LIPA: variants seen among roughly 807,000 people sequenced by gnomAD.
LIPA encodes lysosomal acid lipase/cholesteryl ester hydrolase.
Under a neutral mutation model 40.6 loss-of-function variants are expected in LIPA, and 26 were observed. The ratio of observed to expected loss-of-function variants is 0.64; its 90% CI spans 0.47 to 0.89. The LOEUF is 0.89. Among genes scored for constraint, LIPA ranks in the 40% least tolerant of loss-of-function variants. The pLI, the probability that LIPA is intolerant of heterozygous loss-of-function variation, is 0.00. For missense variants in LIPA, 455 were observed against 479.6 expected (o/e 0.95, Z 0.48); for synonymous variants, 188 against 168.4 (o/e 1.12, Z -0.90).
intron 1 of LIPA, among the ~76,000 whole-genome samples, chr10:89,271,245 A>G (rs1343434216): frequency 1.3e-5 from 2 of 152,240 alleles, no homozygotes; most frequent in Non-Finnish European, 1.5e-5. Flanking sequence ...AAAATGGCCA[A>G]TGCAGTACTC....
chr10:89,272,723 AG>A (rs1334623820), intron 1 of LIPA, among the ~76,000 whole-genome samples: 24 of 152,190 alleles, frequency 1.6e-4, no homozygotes, highest in Admixed American at 6.5e-4. Context: ...ACAGTGTAAA[AG>A]TGTTCCTTTC....
At chr10:89,383,992 C>T (rs751014638) in intron 2 of LIPA, 20 of 1,614,068 alleles carry the variant, frequency 1.2e-5, no homozygotes, top group Non-Finnish European at 1.6e-5. Context: ...TGCCCTGAAG[C>T]TTCAGGATGA....
At chr10:89,358,475 C>G (rs1844001427) in intron 2 of LIPA, among the ~76,000 whole-genome samples, 1 of 152,144 alleles carries the variant, frequency 6.6e-6, no homozygotes, top group South Asian at 2.1e-4. Context: ...TATCTGTATT[C>G]TCATGTTCAT....
chr10:89,278,265 A>G (rs954484495), intron 1 of LIPA: 1 of 152,242 alleles, frequency 6.6e-6, no homozygotes, highest in African/African-American at 2.4e-5. Context: ...TCACAAGACC[A>G]GTGATCTCCA....
intron 2 of LIPA, among the ~76,000 whole-genome samples, chr10:89,356,572 C>T (rs1440886407): frequency 6.6e-6 from 1 of 152,144 alleles, no homozygotes; most frequent in African/African-American, 2.4e-5. Context: ...CTAGGTTGCG[C>T]ATTCCTTATG....
exon 2 of LIPA, chr10:89,412,805 T>G (rs1041465036): frequency 2.4e-6 from 1 of 412,676 alleles, no homozygotes; most frequent in Non-Finnish European, 4.8e-6. Context: ...AGGAAGAAAC[T>G]CCAGACACAT....
chr10:89,346,981 C>T (rs1035636423), upstream of LIPA, among the ~76,000 whole-genome samples: 1 of 152,186 alleles, frequency 6.6e-6, no homozygotes, highest in African/African-American at 2.4e-5. Flanking sequence ...ATTCTAATAG[C>T]CTGCTGCATT....
At chr10:89,400,917 G>A (rs1844412029) in intron 2 of LIPA, among the ~76,000 whole-genome samples, 1 of 151,272 alleles carries the variant, frequency 6.6e-6, no homozygotes, top group Non-Finnish European at 1.5e-5. Context: ...GGCTTTAATT[G>A]TGCTGAGATA....
intron 8 of LIPA, 73 bp from the exon 9 acceptor site, chr10:89,216,082 T>C: frequency 2.0e-6 from 2 of 977,188 alleles, no homozygotes; most frequent in Non-Finnish European, 3.3e-6. Context: ...TTGCTGGAGC[T>C]AGCCACAACC....
At chr10:89,216,410 CAT>C (rs10646193) in intron 8 of LIPA, among the ~76,000 whole-genome samples, 12 of 145,224 alleles carry the variant, frequency 8.3e-5, no homozygotes, top group East Asian at 6.0e-4. Context: ...TATATATATA[CAT>C]ATATATATAT....
At chr10:89,341,124 C>T (rs531115116) in intron 1 of LIPA, among the ~76,000 whole-genome samples, 4 of 152,208 alleles carry the variant, frequency 2.6e-5, no homozygotes, top group African/African-American at 9.6e-5. Flanking sequence ...ACACCCTCCC[C>T]CTGAAGGCAG....
chr10:89,225,325 G>T, intron 5 of LIPA, 97 bp from the exon 6 acceptor site: 1 of 1,451,122 alleles, frequency 6.9e-7, no homozygotes, highest in Non-Finnish European at 9.6e-7. Flanking sequence ...TCTCGCGGAG[G>T]CCTGAGACCC....
rs376284950 is a variant in LIPA at position 89,222,595 on chromosome 10, T to C, written c.823-13A>G. 79 of 1,486,460 alleles carry C rather than the reference T, an allele frequency of 5.3e-5. No homozygotes were observed. The highest frequency in any genetic ancestry group is 7.0e-5 in the Non-Finnish European group (74 of 1,063,706). 92.1% of individuals were successfully genotyped at this position (1,486,460 alleles called of 1,614,324 possible). A position where few individuals can be genotyped will look rare whatever the true frequency, so the allele number is the denominator to read the frequency against. On this transcript the variant is annotated splice_polypyrimidine_tract_variant and intron_variant, in intron 7 of 9. Transcript: ENST00000336233. ...CATCCACTCTAGACTGCAAAATAAA[T>C]ACATTGAAATGAAGAATGAAAACAG... is the stretch of plus-strand genomic sequence containing the variant.
chr10:89,373,911 T>C (rs1424211692), intron 2 of LIPA, among the ~76,000 whole-genome samples: 3 of 152,306 alleles, frequency 2.0e-5, no homozygotes, highest in South Asian at 2.1e-4. Flanking sequence ...AAAAATCTAG[T>C]CTAGTGGTTT....
chr10:89,240,025 C>G (rs17117789), intron 3 of LIPA, among the ~76,000 whole-genome samples: 8,786 of 152,200 alleles, frequency 0.058, 303 homozygotes, highest in South Asian at 0.14. Context: ...GGGAAATTAT[C>G]CAGCTCTCAT....
At chr10:89,333,602 A>G (rs2133548313) in intron 1 of LIPA, among the ~76,000 whole-genome samples, 1 of 152,366 alleles carries the variant, frequency 6.6e-6, no homozygotes, top group South Asian at 2.1e-4. Context: ...TGGGAGGCTG[A>G]GGCAAGAGGA....
At chr10:89,392,135 C>A (rs1844260403) in intron 2 of LIPA, among the ~76,000 whole-genome samples, 1 of 152,192 alleles carries the variant, frequency 6.6e-6, no homozygotes, top group Non-Finnish European at 1.5e-5. Flanking sequence ...TTCCGTCAAG[C>A]TGAAACCAAA....
At chr10:89,306,019 C>G in intron 1 of LIPA, 1 of 1,614,002 alleles carries the variant, frequency 6.2e-7, no homozygotes, top group Non-Finnish European at 8.5e-7. Flanking sequence ...GCCATTTCAC[C>G]TGGAACTTGA....
At chr10:89,322,522 G>A (rs1843577387) in intron 1 of LIPA, among the ~76,000 whole-genome samples, 1 of 152,174 alleles carries the variant, frequency 6.6e-6, no homozygotes, top group Non-Finnish European at 1.5e-5. Flanking sequence ...ACAGGGACCT[G>A]TGCAAGACTG....
Sources: allele counts gnomAD v4.1 joint callset (sites outside exome capture counted in the v4.1 genomes callset), GRCh38; gene constraint gnomAD v4.1.1; transcripts MANE v1.5; gene names NCBI Gene and HGNC (gene_info 2026-07-23, HGNC 2026-07-21).